Variants in WFDC11 observed in about 807,000 individuals in gnomAD.
WFDC11 encodes the protein protein WFDC11.
In WFDC11, 9 loss-of-function variants were observed where a neutral mutation model predicts 9.9. The ratio of observed to expected loss-of-function variants is 0.91; its 90% CI spans 0.55 to 1.58. The LOEUF (loss-of-function observed/expected upper bound fraction) is 1.58. WFDC11 is among the 40% of genes most tolerant of loss of function. The pLI, the probability that WFDC11 is intolerant of heterozygous loss-of-function variation, is 0.00. For missense variants in WFDC11, 106 were observed against 101.7 expected, an observed-to-expected ratio of 1.04 and a Z score of -0.18; for synonymous variants, 32 against 33.3, an observed-to-expected ratio of 0.96 and a Z score of 0.13.
In WFDC11 at chr20:45,649,352, C is replaced by A. The variant is rs1360815521; in HGVS notation, c.148G>T (p.Glu50Ter). Residue 50 changes from glutamate (E) to a stop codon, truncating the protein, a stop_gained, in exon 4 of 5, where the codon GAA becomes TAA. Coordinates refer to ENST00000324384, the MANE Select transcript of WFDC11 (RefSeq NM_147197.2). LOFTEE classifies it high-confidence loss of function. Reference protein sequence around the residue: ...EECWGKPNVKECTNKCSKAFR... With the variant: ...EECWGKPNVK ...GCTTTAGAACACTTATTGGTACATT[C>A]TTTGACATTTGGCTTTCCCCAGCAT... 6.2e-7 allele frequency: 1 copy of A among 1,614,028 alleles called. No individual in the cohort carries two copies. The highest frequency in any genetic ancestry group is 8.5e-7 in the Non-Finnish European group (1 of 1,180,014).
At chr20:45,651,711 A>T (rs1471152956) in intron 2 of WFDC11, among the ~76,000 whole-genome samples, 1 of 149,816 alleles carries the variant, frequency 6.7e-6, no homozygotes, top group Admixed American at 6.6e-5. Flanking sequence ...GACAGACGGC[A>T]CCTGGAAAAT....
chr20:45,651,720 A>C (rs1227164412), intron 2 of WFDC11, among the ~76,000 whole-genome samples: 1 of 149,316 alleles, frequency 6.7e-6, no homozygotes, highest in African/African-American at 2.6e-5. Context: ...CACCTGGAAA[A>C]TCGGGTCACT....
intron 2 of WFDC11, among the ~76,000 whole-genome samples, chr20:45,653,710 C>T (rs184081773): frequency 1.5e-4 from 23 of 152,108 alleles, no homozygotes; most frequent in African/African-American, 3.4e-4. Flanking sequence ...GACACACATA[C>T]GCTCAAAATA....
At chr20:45,654,011 A>G (rs1382386295) in intron 2 of WFDC11, among the ~76,000 whole-genome samples, 1 of 152,212 alleles carries the variant, frequency 6.6e-6, no homozygotes, top group Non-Finnish European at 1.5e-5. Context: ...TGTCAACATT[A>G]GACAGACCAA....
chr20:45,652,678 T>A (rs2145616347), intron 2 of WFDC11, among the ~76,000 whole-genome samples: 1 of 152,180 alleles, frequency 6.6e-6, no homozygotes, highest in Non-Finnish European at 1.5e-5. Context: ...TTTAAAAACC[T>A]TGAAAAAAAA....
Position 45,663,296 on chromosome 20 carries a change from A to G in WFDC11, c.-52+3792T>C, listed in dbSNP as rs547878445. 5.3e-5 allele frequency among the ~76,000 whole-genome samples: 8 copies of G among 151,970 alleles called. No homozygotes were observed. In the South Asian group the frequency reaches 1.0e-3, roughly 20 times the overall value. ...CCCTTTATCATTTTTTATTGCATCT[A>G]TTTGATTCTTCTCTCTTTTTTTCTT... On this transcript the variant is annotated intron_variant, in intron 2 of 4. Coordinates refer to ENST00000324384, the MANE Select transcript of WFDC11 (RefSeq NM_147197.2).
In WFDC11 at chr20:45,666,781, A is replaced by G. The variant is rs187564369; in HGVS notation, c.-52+307T>C. Among the ~76,000 whole-genome samples, 889 of 152,278 alleles carry G rather than the reference A, an allele frequency of 5.8e-3. 6 individuals are homozygous for G. The highest frequency in any genetic ancestry group is 8.2e-3 in the Non-Finnish European group (555 of 68,026). On this transcript the variant is annotated intron_variant, in intron 2 of 4. Coordinates refer to ENST00000324384, the MANE Select transcript of WFDC11 (RefSeq NM_147197.2). ...TTTTCTTTGAACTGAATAGTCTTCA[A>G]TTGGGGTTTATCTGAGATTTTCTTA...
intron 2 of WFDC11, among the ~76,000 whole-genome samples, chr20:45,660,213 G>A (rs532795008): frequency 6.6e-6 from 1 of 152,182 alleles, no homozygotes; most frequent in African/African-American, 2.4e-5. Flanking sequence ...GATAGGTTGT[G>A]TCACTATTGT....
At chr20:45,668,498 A>C (rs1391393521) in intron 1 of WFDC11, among the ~76,000 whole-genome samples, 2 of 152,166 alleles carry the variant, frequency 1.3e-5, no homozygotes, top group African/African-American at 2.4e-5. Context: ...AAAAAAGAAA[A>C]AGATTTCTTT....
chr20:45,665,668 TCAGGTCCCTCAGCTG>T (rs1338703739), intron 2 of WFDC11, among the ~76,000 whole-genome samples: 1 of 152,226 alleles, frequency 6.6e-6, no homozygotes, highest in Non-Finnish European at 1.5e-5. Flanking sequence ...CTTCTAATAG[TCAGGTCCCTCAGCTG>T]CAGGTCTGTT....
intron 2 of WFDC11, among the ~76,000 whole-genome samples, chr20:45,666,754 C>A (rs1333876232): frequency 6.6e-6 from 1 of 152,106 alleles, no homozygotes; most frequent in African/African-American, 2.4e-5. Flanking sequence ...ATACAGCCAA[C>A]CTTTTCTTTG....
At chr20:45,661,375 C>T (rs1983061227) in intron 2 of WFDC11, among the ~76,000 whole-genome samples, 1 of 151,286 alleles carries the variant, frequency 6.6e-6, no homozygotes, top group African/African-American at 2.4e-5. Flanking sequence ...GTTGCCTGTT[C>T]ACTCTGATGG....
intron 2 of WFDC11, among the ~76,000 whole-genome samples, chr20:45,662,261 T>C (rs1163310054): frequency 9.8e-5 from 15 of 152,318 alleles, no homozygotes; most frequent in African/African-American, 2.6e-4. Flanking sequence ...TTTTTGAACA[T>C]TGATTTTGTA....
chr20:45,657,211 A>T (rs1982952845), intron 2 of WFDC11, among the ~76,000 whole-genome samples: 1 of 152,202 alleles, frequency 6.6e-6, no homozygotes, highest in African/African-American at 2.4e-5. Flanking sequence ...AGACTGAATT[A>T]AGAAAATGTG....
At chr20:45,666,437 C>G (rs532395618) in intron 2 of WFDC11, among the ~76,000 whole-genome samples, 1 of 152,354 alleles carries the variant, frequency 6.6e-6, no homozygotes, top group East Asian at 1.9e-4. Context: ...CACCCACTGT[C>G]CAACCAGTCC....
At chr20:45,668,336 G>GTGGGAAAA (rs1450044016) in intron 1 of WFDC11, among the ~76,000 whole-genome samples, 2 of 152,210 alleles carry the variant, frequency 1.3e-5, no homozygotes, top group Non-Finnish European at 2.9e-5. Context: ...AAGTGGGAAA[G>GTGGGAAAA]TGGGAGAGAA....
chr20:45,664,529 T>G (rs1014164648), intron 2 of WFDC11, among the ~76,000 whole-genome samples: 2 of 152,240 alleles, frequency 1.3e-5, no homozygotes, highest in Non-Finnish European at 2.9e-5. Flanking sequence ...GTCTGTACAA[T>G]TTGGCATGTT....
chr20:45,656,584 G>A (rs922932503), intron 2 of WFDC11, among the ~76,000 whole-genome samples: 1 of 151,952 alleles, frequency 6.6e-6, no homozygotes, highest in African/African-American at 2.4e-5. Context: ...AAATAGACAA[G>A]TGGGATCTAA....
chr20:45,649,001 T>C (rs1287527369), intron 4 of WFDC11, among the ~76,000 whole-genome samples: 1 of 152,036 alleles, frequency 6.6e-6, no homozygotes, highest in Non-Finnish European at 1.5e-5. Flanking sequence ...TTAGGAAAAA[T>C]AGCAAACTAT....
Sources: allele counts gnomAD v4.1 joint callset (sites outside exome capture counted in the v4.1 genomes callset), GRCh38; gene constraint gnomAD v4.1.1; transcripts MANE v1.5; gene names NCBI Gene and HGNC (gene_info 2026-07-23, HGNC 2026-07-21).